The following SLC22A3 variants were observed in gnomAD, a reference collection of about 807,000 sequenced individuals.
The protein encoded by SLC22A3 is EMT organic cation transporter 3.
A neutral mutation model predicts 59.1 loss-of-function variants in SLC22A3; 51 were observed. That is an observed-to-expected ratio of 0.86 (90% confidence interval 0.69 to 1.09). The LOEUF is 1.09. Among genes scored for constraint, SLC22A3 ranks in the 50% least tolerant of loss-of-function variants. The probability of loss-of-function intolerance (pLI) is 0.00; values close to 1 mark genes in which losing one functional copy is unlikely to be tolerated. For missense variants in SLC22A3, 711 were observed against 726.3 expected, an observed-to-expected ratio of 0.98 and a Z score of 0.24; for synonymous variants, 325 against 292.0, an observed-to-expected ratio of 1.11 and a Z score of -1.15.
intron 2 of SLC22A3, among the ~76,000 whole-genome samples, chr6:160,401,863 T>TA (rs946012678): frequency 5.9e-5 from 9 of 151,802 alleles, no homozygotes; most frequent in Non-Finnish European, 1.0e-4. Flanking sequence ...AGATTTTTTT[T>TA]AAAAAAGCAT....
At chr6:160,381,174 C>G (rs1289687106) in intron 1 of SLC22A3, among the ~76,000 whole-genome samples, 1 of 152,168 alleles carries the variant, frequency 6.6e-6, no homozygotes, top group Non-Finnish European at 1.5e-5. Flanking sequence ...CAAAAAGAGG[C>G]ATTCCTTCCT....
chr6:160,431,716 A>C (rs1788156478), intron 5 of SLC22A3, among the ~76,000 whole-genome samples: 1 of 152,122 alleles, frequency 6.6e-6, no homozygotes, highest in Non-Finnish European at 1.5e-5. Context: ...GTATAGAAGC[A>C]ATTATTTTAA....
At chr6:160,353,067 A>C (rs1784714905) in intron 1 of SLC22A3, among the ~76,000 whole-genome samples, 1 of 152,180 alleles carries the variant, frequency 6.6e-6, no homozygotes, top group Admixed American at 6.5e-5. Context: ...TAGGCCTCCG[A>C]AAGTGCTGGG....
At chr6:160,391,790 T>C (rs895553322) in intron 1 of SLC22A3, among the ~76,000 whole-genome samples, 2 of 152,212 alleles carry the variant, frequency 1.3e-5, no homozygotes, top group African/African-American at 4.8e-5. Context: ...TTGTACAACC[T>C]GAGGATGAGT....
At chr6:160,356,686 C>T (rs150740982) in intron 1 of SLC22A3, among the ~76,000 whole-genome samples, 290 of 152,290 alleles carry the variant, frequency 1.9e-3, no homozygotes, top group Non-Finnish European at 3.1e-3. Context: ...CATTCTGCCT[C>T]GGTTTTTTCC....
intron 5 of SLC22A3, among the ~76,000 whole-genome samples, chr6:160,427,149 A>T (rs922558972): frequency 6.6e-6 from 1 of 152,128 alleles, no homozygotes; most frequent in African/African-American, 2.4e-5. Context: ...AATGGAAGAG[A>T]TGCTTGTGAC....
At chr6:160,422,796 G>T (rs777255343) in intron 5 of SLC22A3, among the ~76,000 whole-genome samples, 14 of 152,062 alleles carry the variant, frequency 9.2e-5, no homozygotes, top group Non-Finnish European at 2.1e-4. Flanking sequence ...TCTGCTACAG[G>T]AATCTTTTGT....
intron 1 of SLC22A3, among the ~76,000 whole-genome samples, chr6:160,397,569 A>T (rs1786534105): frequency 1.3e-5 from 2 of 152,036 alleles, no homozygotes; most frequent in African/African-American, 4.8e-5. Flanking sequence ...CCCCATCTCT[A>T]CTAAAAATAC....
At chr6:160,445,965 G>C (rs1406372839) in intron 9 of SLC22A3, among the ~76,000 whole-genome samples, 2 of 152,200 alleles carry the variant, frequency 1.3e-5, no homozygotes, top group African/African-American at 4.8e-5. Flanking sequence ...TGGCAGTAGA[G>C]AATGGTTGAA....
chr6:160,411,318 GC>G (rs1787240543), intron 5 of SLC22A3, among the ~76,000 whole-genome samples: 2 of 152,104 alleles, frequency 1.3e-5, no homozygotes, highest in South Asian at 4.1e-4. Flanking sequence ...CAGAGCTTGA[GC>G]AGTAATGTAA....
chr6:160,418,618 T>C (rs1159826162), intron 5 of SLC22A3, among the ~76,000 whole-genome samples: 1 of 152,222 alleles, frequency 6.6e-6, no homozygotes, highest in Non-Finnish European at 1.5e-5. Context: ...GTCACTGTAC[T>C]GACCTGGATG....
At chr6:160,442,456 G>T (rs774856869) in intron 7 of SLC22A3, among the ~76,000 whole-genome samples, 4 of 152,168 alleles carry the variant, frequency 2.6e-5, no homozygotes, top group Non-Finnish European at 5.9e-5. Context: ...TGGCTCTCTA[G>T]GAGGTCATTG....
chr6:160,354,312 G>A (rs1210607225), intron 1 of SLC22A3, among the ~76,000 whole-genome samples: 1 of 152,216 alleles, frequency 6.6e-6, no homozygotes, highest in African/African-American at 2.4e-5. Context: ...GCACTAGAAT[G>A]GGTACAAGAA....
intron 1 of SLC22A3, among the ~76,000 whole-genome samples, chr6:160,386,737 G>A (rs1258480972): frequency 3.3e-5 from 5 of 152,210 alleles, no homozygotes; most frequent in African/African-American, 7.2e-5. Flanking sequence ...TCTCCAAGAA[G>A]GGCAGAGGTC....
chr6:160,406,515 A>G (rs906948661), intron 2 of SLC22A3, among the ~76,000 whole-genome samples: 2 of 152,230 alleles, frequency 1.3e-5, no homozygotes, highest in Non-Finnish European at 2.9e-5. Flanking sequence ...TAGTTTATAA[A>G]ACACTTTCAC....
At chr6:160,440,686 C>T (rs1341549903) in intron 7 of SLC22A3, among the ~76,000 whole-genome samples, 1 of 152,192 alleles carries the variant, frequency 6.6e-6, no homozygotes, top group Non-Finnish European at 1.5e-5. Context: ...TTTATTCATA[C>T]TTCCTACAGT....
intron 10 of SLC22A3, among the ~76,000 whole-genome samples, 164 bp downstream of exon 10, chr6:160,447,982 A>T (rs1002910435): frequency 2.6e-5 from 4 of 152,040 alleles, no homozygotes; most frequent in Non-Finnish European, 4.4e-5. Context: ...AGGTTAACAT[A>T]AAAAAAACCC....
At chr6:160,418,484 C>T (rs1047626787) in intron 5 of SLC22A3, among the ~76,000 whole-genome samples, 1 of 152,150 alleles carries the variant, frequency 6.6e-6, no homozygotes, top group Non-Finnish European at 1.5e-5. Context: ...ACCTTGTGGC[C>T]GTGTGAGCCA....
intron 1 of SLC22A3, among the ~76,000 whole-genome samples, chr6:160,364,121 T>A (rs750459314): frequency 6.6e-6 from 1 of 152,136 alleles, no homozygotes; most frequent in Non-Finnish European, 1.5e-5. Context: ...TTGAAATAGC[T>A]ACTACAGGGA....
Sources: gnomAD v4.1 joint callset for allele counts (sites outside exome capture counted in the v4.1 genomes callset) on GRCh38, gnomAD v4.1.1 for gene constraint, MANE v1.5 for transcripts, NCBI Gene and HGNC (gene_info 2026-07-23, HGNC 2026-07-21) for gene names.